The following PTPRO variants were observed in gnomAD, a reference collection of about 807,000 sequenced individuals.
The protein encoded by PTPRO is protein tyrosine phosphatase receptor type O.
A neutral mutation model predicts 145.2 loss-of-function variants in PTPRO; 62 were observed. The observed-to-expected ratio is 0.43, with a 90% CI of 0.35 to 0.53. PTPRO has a LOEUF of 0.53. Ranked by LOEUF, PTPRO falls within the 20% of genes least tolerant of loss-of-function variation. The probability of loss-of-function intolerance (pLI) is 0.01; values close to 1 mark genes in which losing one functional copy is unlikely to be tolerated. For synonymous variants in PTPRO, 565 were observed against 514.7 expected (o/e 1.10, Z -1.32); for missense variants, 1,345 against 1,482.7 (o/e 0.91, Z 1.53).
intron 1 of PTPRO, among the ~76,000 whole-genome samples, chr12:15,456,287 T>A (rs10772850): frequency 0.28 from 42,208 of 152,078 alleles, 6,438 homozygotes; most frequent in South Asian, 0.43. Context: ...GATTTTCATA[T>A]GTTGAATCAT....
chr12:15,453,238 T>C (rs1356382375), intron 1 of PTPRO, among the ~76,000 whole-genome samples: 1 of 151,940 alleles, frequency 6.6e-6, no homozygotes, highest in Admixed American at 6.6e-5. Context: ...TGATCCACTA[T>C]CCTCAGCCTT....
Position 15,484,124 on chromosome 12 carries a change from A to G in PTPRO, c.226A>G (p.Ser76Gly). The stretch of plus-strand genomic sequence containing the variant: ...TTTCTTCGAATTTGAGGAATTCAAC[A>G]GCACTTTGCCTCCTCCTGTTATTTT... ...NYFFEFEEFNSTLPPPVIFKA... is the reference protein window; with the variant it reads ...NYFFEFEEFNGTLPPPVIFKA... Residue 76 changes from serine (S) to glycine (G), a missense_variant, in exon 2 of 27, where the codon AGC becomes GGC. By Grantham distance (56) the Ser-to-Gly change is moderately conservative (BLOSUM62 0). Around this residue, in one of 3 missense-constraint regions of PTPRO, gnomAD observed 1,130 missense variants for 1,214.7 expected, o/e 0.93. Coordinates refer to ENST00000281171, the MANE Select transcript of PTPRO (RefSeq NM_030667.3). 2 of 1,613,876 alleles carry G rather than the reference A, an allele frequency of 1.2e-6. No individual in the cohort carries two copies. The highest frequency in any genetic ancestry group is 1.3e-5 in the African/African-American group (1 of 75,048).
chr12:15,482,400 G>A (rs1465540766), intron 1 of PTPRO, among the ~76,000 whole-genome samples: 1 of 152,032 alleles, frequency 6.6e-6, no homozygotes, highest in African/African-American at 2.4e-5. Context: ...GACAGCCAAA[G>A]GCTTGTTAAG....
chr12:15,487,912 G>T (rs1346778220), intron 2 of PTPRO, among the ~76,000 whole-genome samples: 1 of 152,270 alleles, frequency 6.6e-6, no homozygotes, highest in East Asian at 1.9e-4. Context: ...ACCATACTCA[G>T]CCTTTATGAA....
chr12:15,418,557 G>A (rs935686848), intron 1 of PTPRO, among the ~76,000 whole-genome samples: 2 of 151,770 alleles, frequency 1.3e-5, no homozygotes, highest in Admixed American at 6.5e-5. Flanking sequence ...AAGGTTTTAT[G>A]AGGAAAATGA....
chr12:15,438,589 A>C (rs1940666426), intron 1 of PTPRO, among the ~76,000 whole-genome samples: 1 of 151,962 alleles, frequency 6.6e-6, no homozygotes, highest in Non-Finnish European at 1.5e-5. Context: ...CAATAGACTG[A>C]ACCAAGCAGA....
chr12:15,328,480 T>C (rs1432492516), intron 1 of PTPRO, among the ~76,000 whole-genome samples: 2 of 152,190 alleles, frequency 1.3e-5, no homozygotes, highest in Non-Finnish European at 2.9e-5. Context: ...GATTTCCTGA[T>C]AAAAGGTTTT....
intron 1 of PTPRO, among the ~76,000 whole-genome samples, chr12:15,464,586 T>C (rs1318993535): frequency 1.3e-5 from 2 of 151,652 alleles, no homozygotes; most frequent in Non-Finnish European, 2.9e-5. Context: ...GCAGGTCTCC[T>C]GACCTCAAGT....
intron 18 of PTPRO, among the ~76,000 whole-genome samples, chr12:15,567,398 CT>C (rs146489763): frequency 0.045 from 6,830 of 152,060 alleles, 488 homozygotes; most frequent in African/African-American, 0.15. Flanking sequence ...TCTTTTTCCT[CT>C]GTAGATATTT....
intron 1 of PTPRO, among the ~76,000 whole-genome samples, chr12:15,442,173 C>T (rs913997989): frequency 6.6e-6 from 1 of 152,118 alleles, no homozygotes; most frequent in South Asian, 2.1e-4. Flanking sequence ...GACTTCATTC[C>T]TGGAATGCAA....
intron 1 of PTPRO, among the ~76,000 whole-genome samples, chr12:15,402,608 T>A (rs1254190958): frequency 6.6e-6 from 1 of 152,180 alleles, no homozygotes; most frequent in Admixed American, 6.5e-5. Flanking sequence ...ATGTAAATTG[T>A]TAAACGTTAT....
intron 1 of PTPRO, among the ~76,000 whole-genome samples, chr12:15,336,511 A>G (rs940907071): frequency 3.9e-5 from 6 of 152,226 alleles, no homozygotes; most frequent in South Asian, 2.1e-4. Context: ...TAACTACTGA[A>G]GAATTACACA....
intron 1 of PTPRO, among the ~76,000 whole-genome samples, chr12:15,396,719 T>C (rs1326872010): frequency 6.6e-6 from 1 of 152,204 alleles, no homozygotes; most frequent in African/African-American, 2.4e-5. Context: ...TGGACTTTTA[T>C]GATTCTATAG....
chr12:15,558,028 G>A (rs1943681848), intron 16 of PTPRO, among the ~76,000 whole-genome samples: 1 of 151,952 alleles, frequency 6.6e-6, no homozygotes, highest in African/African-American at 2.4e-5. Context: ...TCTGCCTCCT[G>A]GGCTCAAGTA....
intron 6 of PTPRO, among the ~76,000 whole-genome samples, chr12:15,504,630 G>A (rs1456917660): frequency 6.6e-6 from 1 of 152,152 alleles, no homozygotes; most frequent in East Asian, 1.9e-4. Flanking sequence ...TCTGAAGGTT[G>A]CACAAACAGT....
At chr12:15,389,373 C>A (rs1006631410) in intron 1 of PTPRO, among the ~76,000 whole-genome samples, 1 of 152,066 alleles carries the variant, frequency 6.6e-6, no homozygotes, top group Non-Finnish European at 1.5e-5. Flanking sequence ...TCCCAAAATG[C>A]TGGGATTACA....
intron 1 of PTPRO, among the ~76,000 whole-genome samples, chr12:15,358,439 A>T (rs1274119898): frequency 2.0e-5 from 3 of 152,140 alleles, no homozygotes; most frequent in Non-Finnish European, 4.4e-5. Context: ...CCGGATTTTG[A>T]TGAAGACAAC....
intron 1 of PTPRO, among the ~76,000 whole-genome samples, chr12:15,441,075 C>T (rs1940752118): frequency 6.6e-6 from 1 of 152,136 alleles, no homozygotes; most frequent in Non-Finnish European, 1.5e-5. Context: ...TTCTTATCTG[C>T]ACATGGAACA....
Position 15,580,557 on chromosome 12 carries a change from A to T in PTPRO, c.2998-140A>T, listed in dbSNP as rs1372156468. ...TTCTGATAGCCTCTTTGATTAAAAC[A>T]GGAGAAAACATTACATAGGTGTGTG... is the stretch of plus-strand genomic sequence containing the variant. On this transcript the variant is annotated intron_variant, in intron 21 of 26. Transcript: ENST00000281171. 3 of 952,248 alleles carry T rather than the reference A, an allele frequency of 3.2e-6. No individual in the cohort carries two copies. The Admixed American group carries it at 5.9e-5, about 19-fold the overall frequency. 59.0% of individuals were successfully genotyped at this position (952,248 alleles called of 1,614,324 possible). A position where few individuals can be genotyped will look rare whatever the true frequency, so the allele number is the denominator to read the frequency against.
Sources: gnomAD v4.1 joint callset for allele counts (sites outside exome capture counted in the v4.1 genomes callset) on GRCh38, gnomAD v4.1.1 for gene constraint, gnomAD v4.1.1 regional missense constraint, MANE v1.5 for transcripts, NCBI Gene and HGNC (gene_info 2026-07-23, HGNC 2026-07-21) for gene names.